Variants in RPS6KA5 observed in about 807,000 individuals in gnomAD.
RPS6KA5 encodes the protein ribosomal protein S6 kinase alpha-5.
Under a neutral mutation model 85.5 loss-of-function variants are expected in RPS6KA5, and 27 were observed. That is an observed-to-expected ratio of 0.32 (90% CI 0.23 to 0.44). The LOEUF (loss-of-function observed/expected upper bound fraction) is 0.44, where lower values mean the gene tolerates loss of function less well. Ranked by LOEUF, RPS6KA5 falls within the 20% of genes least tolerant of loss-of-function variation. RPS6KA5 has a pLI of 1.00. For synonymous variants in RPS6KA5, 334 were observed against 348.2 expected, an observed-to-expected ratio of 0.96 and a Z score of 0.46; for missense variants, 811 against 980.9, an observed-to-expected ratio of 0.83 and a Z score of 2.31.
intron 1 of RPS6KA5, among the ~76,000 whole-genome samples, chr14:91,025,965 A>G (rs1439461823): frequency 6.6e-6 from 1 of 152,130 alleles, no homozygotes; most frequent in African/African-American, 2.4e-5. Context: ...AGTATCCAAC[A>G]GGTAGTTTTT....
At chr14:90,933,078 C>T (rs1289769627) in intron 5 of RPS6KA5, among the ~76,000 whole-genome samples, 1 of 152,232 alleles carries the variant, frequency 6.6e-6, no homozygotes, top group Non-Finnish European at 1.5e-5. Flanking sequence ...AAGGTTAAAA[C>T]TGAGCCAATC....
intron 5 of RPS6KA5, among the ~76,000 whole-genome samples, chr14:90,939,452 A>G (rs146301424): frequency 3.2e-4 from 49 of 152,244 alleles, no homozygotes; most frequent in African/African-American, 1.1e-3. Flanking sequence ...GTACCAATTT[A>G]CTGTATTAGT....
intron 14 of RPS6KA5, among the ~76,000 whole-genome samples, chr14:90,887,945 CAAAAAAAAAA>C (rs34947711): frequency 2.3e-5 from 1 of 42,768 alleles, no homozygotes; most frequent in Non-Finnish European, 3.7e-5. Flanking sequence ...GAGGCTATCG[CAAAAAAAAAA>C]AAAAAAAAAA....
At chr14:90,990,025 CA>C (rs2040235454) in intron 2 of RPS6KA5, among the ~76,000 whole-genome samples, 2 of 151,958 alleles carry the variant, frequency 1.3e-5, no homozygotes, top group South Asian at 4.2e-4. Context: ...GAGAATAAAG[CA>C]ATTTGGGCAG....
chr14:90,954,876 A>C (rs1478444903), intron 3 of RPS6KA5, among the ~76,000 whole-genome samples: 1 of 152,228 alleles, frequency 6.6e-6, no homozygotes, highest in African/African-American at 2.4e-5. Context: ...TAAATAACAA[A>C]ACTGTATGTT....
At chr14:90,913,544 T>G (rs1281890886) in intron 7 of RPS6KA5, among the ~76,000 whole-genome samples, 1 of 152,200 alleles carries the variant, frequency 6.6e-6, no homozygotes, top group Non-Finnish European at 1.5e-5. Context: ...ACAGTTAGAT[T>G]GTTGGTGGAG....
intron 1 of RPS6KA5, among the ~76,000 whole-genome samples, chr14:91,002,583 G>C (rs2040836376): frequency 6.6e-6 from 1 of 152,140 alleles, no homozygotes; most frequent in African/African-American, 2.4e-5. Flanking sequence ...AGAATGAAAA[G>C]CTTTGGGGCA....
At position 90,862,052 on chromosome 14, in the gene RPS6KA5, A is replaced by G. The variant is rs2032581328; in HGVS notation, c.*10022T>C. 1 of 152,226 alleles carries G rather than the reference A, an allele frequency of 6.6e-6. No individual in the cohort carries two copies. The highest frequency in any genetic ancestry group is 2.1e-4 in the South Asian group (1 of 4,834). The allele number at this position is 152,226 out of a possible 1,614,324, so 9.4% of individuals were successfully genotyped here. A position where few individuals can be genotyped will look rare whatever the true frequency, so the allele number is the denominator to read the frequency against. On this transcript the variant is annotated 3_prime_UTR_variant, in exon 17 of 17. Transcript: ENST00000614987. Reference sequence around the variant, plus strand: ...TTCTAAAAATTACTAACGAACTAACATAGGAGGAAACAATGGACAAAAGAA... The same window carrying G: ...TTCTAAAAATTACTAACGAACTAACGTAGGAGGAAACAATGGACAAAAGAA...
At chr14:90,961,183 T>C (rs1334322478) in intron 3 of RPS6KA5, among the ~76,000 whole-genome samples, 1 of 152,254 alleles carries the variant, frequency 6.6e-6, no homozygotes, top group Non-Finnish European at 1.5e-5. Context: ...TCTAGTTAGA[T>C]ATGATGAATC....
In RPS6KA5 at chr14:91,007,165, CAGCATAGT is replaced by C. The variant is rs1171799723; in HGVS notation, c.104-6014_104-6007del. 2.0e-5 allele frequency among the ~76,000 whole-genome samples: 3 copies of C among 152,294 alleles called. No individual in the cohort carries two copies. In the East Asian group the frequency reaches 5.8e-4, roughly 29 times the overall value. ...GGCATTTGTGGATGTCTGACTATAA[CAGCATAGT>C]GGCACCAAAACCTTACCTTCAGCCT... On this transcript the variant is annotated intron_variant, in intron 1 of 16. Transcript: ENST00000614987.
chr14:90,904,009 C>A (rs145742878), intron 8 of RPS6KA5, among the ~76,000 whole-genome samples: 1 of 151,218 alleles, frequency 6.6e-6, no homozygotes, highest in Non-Finnish European at 1.5e-5. Context: ...GGCAGTGGCG[C>A]GATCTCGGCT....
intron 2 of RPS6KA5, among the ~76,000 whole-genome samples, chr14:90,996,591 T>C (rs1286757181): frequency 3.3e-5 from 5 of 152,152 alleles, no homozygotes; most frequent in Admixed American, 1.3e-4. Context: ...GCTATAAATC[T>C]ATTTTTAAAA....
intron 1 of RPS6KA5, 117 bp downstream of exon 1, chr14:91,060,204 CCCCGCCCCAGG>C: frequency 1.0e-6 from 1 of 963,900 alleles, no homozygotes. Flanking sequence ...GACCGCGACG[CCCCGCCCCAGG>C]CCCGCCCCTC....
intron 7 of RPS6KA5, among the ~76,000 whole-genome samples, chr14:90,919,557 C>T (rs972438097): frequency 4.6e-5 from 7 of 152,074 alleles, no homozygotes; most frequent in South Asian, 2.1e-4. Flanking sequence ...CTTATTTGTT[C>T]ATTAACCCAT....
chr14:90,877,466 C>T (rs1430684904), intron 14 of RPS6KA5, among the ~76,000 whole-genome samples: 1 of 152,190 alleles, frequency 6.6e-6, no homozygotes, highest in African/African-American at 2.4e-5. Context: ...CTGCCCCCAA[C>T]CTCACTTCTT....
chr14:90,962,722 G>T (rs936163280), intron 3 of RPS6KA5, among the ~76,000 whole-genome samples: 2 of 152,106 alleles, frequency 1.3e-5, no homozygotes, highest in African/African-American at 4.8e-5. Flanking sequence ...TTCCAAAATT[G>T]TAAGAACAAT....
chr14:90,999,467 C>A (rs2040684166), intron 2 of RPS6KA5, among the ~76,000 whole-genome samples: 1 of 152,048 alleles, frequency 6.6e-6, no homozygotes, highest in African/African-American at 2.4e-5. Context: ...TCTCCCTGGT[C>A]TTCCAGGAAA....
At chr14:91,019,596 A>C (rs896188866) in intron 1 of RPS6KA5, among the ~76,000 whole-genome samples, 1 of 152,192 alleles carries the variant, frequency 6.6e-6, no homozygotes, top group Non-Finnish European at 1.5e-5. Context: ...TTTTATATTT[A>C]TACACACACA....
At chr14:91,027,593 C>A (rs75658211) in intron 1 of RPS6KA5, among the ~76,000 whole-genome samples, 1 of 152,158 alleles carries the variant, frequency 6.6e-6, no homozygotes, top group East Asian at 1.9e-4. Context: ...CATTATATTA[C>A]AGTAACATAT....
Sources: allele counts gnomAD v4.1 joint callset (sites outside exome capture counted in the v4.1 genomes callset), GRCh38; gene constraint gnomAD v4.1.1; transcripts MANE v1.5; gene names NCBI Gene and HGNC (gene_info 2026-07-23, HGNC 2026-07-21).